COL11A1: variants seen among roughly 807,000 people sequenced by gnomAD.
COL11A1 encodes collagen type XI alpha 1 chain.
COL11A1 carries 74 observed loss-of-function variants against 265.2 expected under a neutral mutation model. The observed-to-expected ratio is 0.28, with a 90% CI of 0.23 to 0.34. The LOEUF (loss-of-function observed/expected upper bound fraction) is 0.34, where lower values mean the gene tolerates loss of function less well. Among genes scored for constraint, COL11A1 ranks in the 10% least tolerant of loss-of-function variants. The probability of loss-of-function intolerance (pLI) is 1.00; values close to 1 mark genes in which losing one functional copy is unlikely to be tolerated. For missense variants in COL11A1, 2,165 were observed against 2,263.6 expected, an observed-to-expected ratio of 0.96 and a Z score of 0.88; for synonymous variants, 816 against 727.6, an observed-to-expected ratio of 1.12 and a Z score of -1.96.
chr1:103,058,878 A>G (rs904206620), intron 4 of COL11A1, among the ~76,000 whole-genome samples: 9 of 152,134 alleles, frequency 5.9e-5, no homozygotes, highest in Non-Finnish European at 1.2e-4. Context: ...TTTCATTTTT[A>G]TAACTGCTAT....
At chr1:102,935,236 T>C in intron 44 of COL11A1, 123 bp from the exon 45 acceptor site, 1 of 739,278 alleles carries the variant, frequency 1.4e-6, no homozygotes, top group Non-Finnish European at 2.3e-6. Flanking sequence ...AAAAGAAGCA[T>C]CACATAGAAT....
chr1:103,009,815 T>C (rs1665950937), intron 14 of COL11A1, among the ~76,000 whole-genome samples: 1 of 152,142 alleles, frequency 6.6e-6, no homozygotes, highest in Non-Finnish European at 1.5e-5. Flanking sequence ...ACATGAATTT[T>C]CTAATCTTTA....
At chr1:103,075,687 A>AT (rs71592264) in intron 3 of COL11A1, among the ~76,000 whole-genome samples, 7,931 of 151,866 alleles carry the variant, frequency 0.052, 219 homozygotes, top group Middle Eastern at 0.092. Flanking sequence ...TTTATATTTT[A>AT]TTTTTTTTCC....
chr1:103,035,228 C>T (rs1056994709), intron 4 of COL11A1, among the ~76,000 whole-genome samples: 1 of 152,008 alleles, frequency 6.6e-6, no homozygotes, highest in Non-Finnish European at 1.5e-5. Flanking sequence ...AATGTTTGAG[C>T]CTTTCAAGTC....
At chr1:103,044,185 C>T (rs1669062333) in intron 4 of COL11A1, among the ~76,000 whole-genome samples, 2 of 148,372 alleles carry the variant, frequency 1.3e-5, no homozygotes, top group African/African-American at 4.9e-5. Flanking sequence ...TTTTCAAACA[C>T]CCCATACAGT....
chr1:102,883,166 C>T lies in COL11A1; in HGVS notation c.4971+33G>A, dbSNP rs1417666303. ...TATTGCAAAACATGGCAGGAACTGT[C>T]AACATTCACCACCAAAACAGATTGG... is the stretch of plus-strand genomic sequence containing the variant. On this transcript the variant is annotated intron_variant, in intron 64 of 66. Transcript: ENST00000370096. The T allele has an allele frequency of 4.3e-6, 6 of 1,402,306 alleles. No individual in the cohort carries two copies. The African/African-American group carries it at 5.7e-5, about 13-fold the overall frequency. The allele number at this position is 1,402,306 out of a possible 1,614,324, so 86.9% of individuals were successfully genotyped here.
In COL11A1 at chr1:103,078,719, T is replaced by C. The variant is rs2102302898; in HGVS notation, c.427A>G (p.Thr143Ala). The change falls in exon 3 of 67, where the codon ACT becomes GCT. Residue 143 changes from threonine to alanine, a missense_variant. Thr to Ala is a moderately conservative substitution (Grantham distance 58, BLOSUM62 0). Transcript: ENST00000370096. The part of the protein sequence containing the change: ...RSPVFLFEDH[T>A]GKPAPEDYPL... ...TAGTCTTCTGGGGCAGGTTTTCCAG[T>C]GTGGTCTTCAAACAGAAAAACAGGT... is the stretch of plus-strand genomic sequence containing the variant. 6.2e-7 allele frequency: 1 copy of C among 1,613,482 alleles called. No homozygotes were observed. Among genetic ancestry groups the C allele is most frequent in the Non-Finnish European group, 8.5e-7 (1 of 1,179,634 alleles).
At chr1:102,899,128 A>C (rs1445274667) in intron 54 of COL11A1, 134 bp from the exon 55 acceptor site, 2 of 372,822 alleles carry the variant, frequency 5.4e-6, no homozygotes, top group Admixed American at 8.2e-5. Flanking sequence ...TTTGGTTTAA[A>C]ACATAATAAC....
At chr1:102,907,092 G>C (rs1295920752) in intron 54 of COL11A1, among the ~76,000 whole-genome samples, 2 of 151,872 alleles carry the variant, frequency 1.3e-5, no homozygotes, top group Non-Finnish European at 2.9e-5. Context: ...TGCTCGATCG[G>C]GCTGACCTAA....
chr1:102,923,957 C>T (rs1323969073), intron 46 of COL11A1, among the ~76,000 whole-genome samples: 1 of 151,572 alleles, frequency 6.6e-6, no homozygotes, highest in Non-Finnish European at 1.5e-5. Flanking sequence ...GGCTGTAATC[C>T]CAGCACTTTG....
intron 50 of COL11A1, among the ~76,000 whole-genome samples, chr1:102,915,134 G>A (rs1048594227): frequency 2.0e-5 from 3 of 152,052 alleles, no homozygotes; most frequent in Non-Finnish European, 2.9e-5. Context: ...TTTGCTGTGG[G>A]GAGCTGTTCT....
intron 64 of COL11A1, among the ~76,000 whole-genome samples, chr1:102,882,060 A>G (rs1650318830): frequency 1.3e-5 from 2 of 152,214 alleles, no homozygotes; most frequent in Admixed American, 6.5e-5. Flanking sequence ...TATAGGGGAC[A>G]TTGGTGGAAC....
At chr1:102,913,251 A>G (rs1011220397) in intron 53 of COL11A1, among the ~76,000 whole-genome samples, 1 of 152,182 alleles carries the variant, frequency 6.6e-6, no homozygotes, top group Non-Finnish European at 1.5e-5. Context: ...GAGTTCATTT[A>G]GGTTCACAAT....
At chr1:103,101,309 C>T (rs1674250489) in intron 1 of COL11A1, among the ~76,000 whole-genome samples, 1 of 151,870 alleles carries the variant, frequency 6.6e-6, no homozygotes. Context: ...GTTTCATTTG[C>T]ATGCAAAAGG....
intron 49 of COL11A1, among the ~76,000 whole-genome samples, chr1:102,916,279 C>A (rs180791385): frequency 6.6e-6 from 1 of 152,230 alleles, no homozygotes. Context: ...TCCCTGTTTA[C>A]ATATGAATGG....
chr1:103,001,328 TAATG>T, intron 24 of COL11A1: 1 of 396,054 alleles, frequency 2.5e-6, no homozygotes, highest in Non-Finnish European at 4.4e-6. Context: ...TCAACAAAAA[TAATG>T]AAAGAAAAAA....
chr1:103,023,380 T>A (rs1395922748), intron 7 of COL11A1, among the ~76,000 whole-genome samples: 3 of 151,940 alleles, frequency 2.0e-5, no homozygotes, highest in African/African-American at 4.8e-5. Context: ...CTTTTTTTTT[T>A]TTGAGATGGA....
At chr1:102,893,620 A>G (rs1042283453) in intron 57 of COL11A1, among the ~76,000 whole-genome samples, 12 of 152,160 alleles carry the variant, frequency 7.9e-5, no homozygotes, top group African/African-American at 2.9e-4. Context: ...GAAAACAGGG[A>G]TGATACATTC....
intron 24 of COL11A1, 99 bp from the exon 25 acceptor site, chr1:102,998,462 G>T (rs566003444): frequency 1.3e-6 from 1 of 744,872 alleles, no homozygotes; most frequent in Non-Finnish European, 2.1e-6. Flanking sequence ...TGAGTCACTG[G>T]CTTCAATTCA....
Sources: gnomAD v4.1 joint callset for allele counts (sites outside exome capture counted in the v4.1 genomes callset) on GRCh38, gnomAD v4.1.1 for gene constraint, MANE v1.5 for transcripts, NCBI Gene and HGNC (gene_info 2026-07-23, HGNC 2026-07-21) for gene names.